PCDHGA7: variants seen among roughly 807,000 people sequenced by gnomAD.
PCDHGA7 encodes protocadherin gamma-A7.
PCDHGA7 carries 44 observed loss-of-function variants against 58.3 expected under a neutral mutation model. The ratio of observed to expected loss-of-function variants is 0.75; its 90% CI spans 0.59 to 0.97. The LOEUF (loss-of-function observed/expected upper bound fraction) is 0.97, where lower values mean the gene tolerates loss of function less well. Among genes scored for constraint, PCDHGA7 ranks in the 50% least tolerant of loss-of-function variants. The pLI, the probability that PCDHGA7 is intolerant of heterozygous loss-of-function variation, is 0.00. For missense variants in PCDHGA7, 1,266 were observed against 1,188.7 expected, an observed-to-expected ratio of 1.06 and a Z score of -0.96; for synonymous variants, 516 against 504.2, an observed-to-expected ratio of 1.02 and a Z score of -0.31.
chr5:141,422,719 CA>C (rs2096667277), intron 1 of PCDHGA7: 1 of 1,604,786 alleles, frequency 6.2e-7, no homozygotes, highest in Admixed American at 1.7e-5. Flanking sequence ...TGACACTGTC[CA>C]GGGGGTGCCT....
intron 1 of PCDHGA7, chr5:141,403,402 A>T: frequency 6.2e-7 from 1 of 1,614,076 alleles, no homozygotes; most frequent in Non-Finnish European, 8.5e-7. Flanking sequence ...TTCCTGGAGC[A>T]CGTTATCCAC....
chr5:141,511,403 A>C lies in PCDHGA7; in HGVS notation c.*230A>C. On this transcript the variant is annotated 3_prime_UTR_variant, in exon 4 of 4. Coordinates refer to ENST00000518325, the MANE Select transcript of PCDHGA7 (RefSeq NM_018920.4). Reference sequence around the variant, plus strand: ...TCCGCTGGGAACCCCCATCCAATCAACTGCTGTACCCATGGGGGTAGTGGG... The same window carrying C: ...TCCGCTGGGAACCCCCATCCAATCACCTGCTGTACCCATGGGGGTAGTGGG... 8.5e-6 allele frequency: 8 copies of C among 939,018 alleles called. No individual in the cohort carries two copies. The highest frequency in any genetic ancestry group is 1.2e-5 in the Non-Finnish European group (8 of 650,834). The allele number at this position is 939,018 out of a possible 1,614,324, so 58.2% of individuals were successfully genotyped here. A position where few individuals can be genotyped will look rare whatever the true frequency, so the allele number is the denominator to read the frequency against.
At chr5:141,424,700 T>C (rs1359856009) in intron 1 of PCDHGA7, 3 of 152,228 alleles carry the variant, frequency 2.0e-5, no homozygotes, top group African/African-American at 7.2e-5. Context: ...TATTTTTTTG[T>C]TCATTTTCAG....
At chr5:141,403,172 C>G (rs1230059414) in intron 1 of PCDHGA7, 13 of 1,613,900 alleles carry the variant, frequency 8.1e-6, no homozygotes, top group Non-Finnish European at 1.1e-5. Flanking sequence ...TAGGACGCAG[C>G]TTTTCTCTCT....
At chr5:141,464,816 G>A (rs11167751) in intron 1 of PCDHGA7, among the ~76,000 whole-genome samples, 42,470 of 151,904 alleles carry the variant, frequency 0.28, 6,668 homozygotes, top group African/African-American at 0.43. Context: ...ATAGCTCACT[G>A]TAGCCTCGCA....
At position 141,489,985 on chromosome 5, in the gene PCDHGA7, G is replaced by C. The variant is rs761481986; in HGVS notation, c.2425-4822G>C. ...AACCTTCCAATCCTCAGTTCTACGT[G>C]TGGGAATCCCAGAGAATGCACCCAT... On this transcript the variant is annotated intron_variant, in intron 1 of 3. Coordinates refer to ENST00000518325, the MANE Select transcript of PCDHGA7 (RefSeq NM_018920.4). This position sits in a 1 kb window ranked among gnomAD's most constrained non-coding sequence, Gnocchi z 4.5. 3 of 1,614,212 alleles carry C rather than the reference G, an allele frequency of 1.9e-6. No individual in the cohort carries two copies. The East Asian group carries it at 6.7e-5, about 36-fold the overall frequency.
In PCDHGA7 at chr5:141,428,010, G is replaced by C. The variant is rs544491298; in HGVS notation, c.2424+42687G>C. The C allele has an allele frequency of 1.2e-4, 192 of 1,603,004 alleles. 6 individuals are homozygous for C. In the South Asian group the frequency reaches 2.0e-3, roughly 17 times the overall value. ...CGATGGCTCCGCACTCTTCGATATA[G>C]TGCCACGCGCCGCAGAGTCCGGCTA... On this transcript the variant is annotated intron_variant, in intron 1 of 3. Transcript: ENST00000518325.
intron 1 of PCDHGA7, chr5:141,418,786 TGAA>T: frequency 1.2e-6 from 2 of 1,613,854 alleles, no homozygotes; most frequent in Non-Finnish European, 8.5e-7. Flanking sequence ...CTTTGGATTT[TGAA>T]GAAGTAGAAA....
intron 1 of PCDHGA7, chr5:141,407,873 A>G (rs561323423): frequency 2.0e-5 from 7 of 354,686 alleles, no homozygotes; most frequent in African/African-American, 1.3e-4. Context: ...CGAAGAATAT[A>G]TACATTTCGG....
At chr5:141,406,173 T>C (rs1317526026) in intron 1 of PCDHGA7, among the ~76,000 whole-genome samples, 2 of 151,712 alleles carry the variant, frequency 1.3e-5, no homozygotes, top group African/African-American at 4.8e-5. Context: ...CCTGGGCTTA[T>C]GCAATCCTCC....
intron 1 of PCDHGA7, chr5:141,421,627 T>C: frequency 6.2e-7 from 1 of 1,613,846 alleles, no homozygotes; most frequent in Non-Finnish European, 8.5e-7. Context: ...CGCCCCCAGC[T>C]TCCAGGAGGA....
At position 141,485,184 on chromosome 5, in the gene PCDHGA7, A is replaced by G. The variant is rs1415940980; in HGVS notation, c.2425-9623A>G. ...TAGCGGGCGGCAGCAATGCTCCGCA[A>G]GGTGAGAAGCTGGACAGAAATCTGG... On this transcript the variant is annotated intron_variant, in intron 1 of 3. Transcript: ENST00000518325. This position sits in a 1 kb window ranked among gnomAD's most constrained non-coding sequence, Gnocchi z 5.7. The G allele has an allele frequency of 6.2e-7, 1 of 1,613,152 alleles. No individual in the cohort carries two copies. The highest frequency in any genetic ancestry group is 1.3e-5 in the African/African-American group (1 of 74,938).
chr5:141,446,458 G>A (rs2098502933), intron 1 of PCDHGA7, among the ~76,000 whole-genome samples: 1 of 151,662 alleles, frequency 6.6e-6, no homozygotes, highest in African/African-American at 2.4e-5. Flanking sequence ...TATTCAGTGT[G>A]TGATTAGACA....
intron 1 of PCDHGA7, among the ~76,000 whole-genome samples, chr5:141,462,223 G>A (rs563764515): frequency 2.0e-5 from 3 of 152,144 alleles, no homozygotes; most frequent in Admixed American, 2.0e-4. Flanking sequence ...GCCTCCCAAA[G>A]TGCAGGGATT....
chr5:141,392,877 A>T, intron 1 of PCDHGA7: 1 of 1,613,506 alleles, frequency 6.2e-7, no homozygotes, highest in Non-Finnish European at 8.5e-7. Flanking sequence ...GCTGCTGGGA[A>T]CGCTGTGGGA....
Position 141,477,114 on chromosome 5 carries a change from G to C in PCDHGA7, c.2425-17693G>C. ...AAAGACAAGGGCGCCAATCCCGAAG[G>C]AGCACATTGCAAAGTGTTGGTGGAG... is the stretch of plus-strand genomic sequence containing the variant. On this transcript the variant is annotated intron_variant, in intron 1 of 3. Coordinates refer to ENST00000518325, the MANE Select transcript of PCDHGA7 (RefSeq NM_018920.4). This position sits in a 1 kb window ranked among gnomAD's most constrained non-coding sequence, Gnocchi z 4.9. 4.3e-6 allele frequency: 7 copies of C among 1,614,234 alleles called. No homozygotes were observed. Among genetic ancestry groups the C allele is most frequent in the Non-Finnish European group, 5.9e-6 (7 of 1,180,046 alleles).
chr5:141,385,200 C>G lies in PCDHGA7; in HGVS notation c.2301C>G (p.His767Gln), dbSNP rs776177043. 2.5e-6 allele frequency: 4 copies of G among 1,614,214 alleles called. No individual in the cohort carries two copies. The highest frequency in any genetic ancestry group is 3.3e-4 in the Middle Eastern group (2 of 6,062). Residue 767 changes from histidine to glutamine, a missense_variant, in exon 1 of 4, where the codon CAC becomes CAG. Physicochemically the swap from His to Gln is conservative, Grantham distance 24. Coordinates refer to ENST00000518325, the MANE Select transcript of PCDHGA7 (RefSeq NM_018920.4). ...TCACCGCGGACTCTCGGAAGAGTCA[C>G]CTGATCTTCCCCCAGCCCAACTATG... The part of the protein sequence containing the change: ...VSLTADSRKS[H>Q]LIFPQPNYVD...
chr5:141,438,631 TATATAC>T (rs1271580663), intron 1 of PCDHGA7, among the ~76,000 whole-genome samples: 5,390 of 42,476 alleles, frequency 0.13, 146 homozygotes, highest in Non-Finnish European at 0.16. Context: ...TATATATATA[TATATAC>T]ACACACACAC....
chr5:141,407,047 T>C (rs75652968), intron 1 of PCDHGA7, among the ~76,000 whole-genome samples: 6,428 of 152,316 alleles, frequency 0.042, 220 homozygotes, highest in African/African-American at 0.092. Flanking sequence ...GATCCATAGA[T>C]ACACTGATGA....
Sources: allele counts gnomAD v4.1 joint callset (sites outside exome capture counted in the v4.1 genomes callset), GRCh38; gene constraint gnomAD v4.1.1; non-coding constraint Gnocchi (gnomAD v3.1); transcripts MANE v1.5; gene names NCBI Gene and HGNC (gene_info 2026-07-23, HGNC 2026-07-21).